Variants in THADA observed in about 807,000 individuals in gnomAD.
THADA encodes the protein THADA armadillo repeat containing.
A neutral mutation model predicts 219.8 loss-of-function variants in THADA; 213 were observed. The ratio of observed to expected loss-of-function variants is 0.97; its 90% CI spans 0.87 to 1.09. The LOEUF is 1.09. THADA is among the 50% of genes least tolerant of loss of function. The probability of loss-of-function intolerance (pLI) is 0.00; values close to 1 mark genes in which losing one functional copy is unlikely to be tolerated. For synonymous variants in THADA, 1,018 were observed against 828.9 expected (o/e 1.23, Z -3.92); for missense variants, 2,956 against 2,311.3 (o/e 1.28, Z -5.72).
intron 36 of THADA, among the ~76,000 whole-genome samples, chr2:43,273,819 G>C (rs1672410748): frequency 6.6e-6 from 1 of 152,134 alleles, no homozygotes; most frequent in Non-Finnish European, 1.5e-5. Flanking sequence ...TTTGCTCAAG[G>C]GTCGGGGCAT....
intron 10 of THADA, among the ~76,000 whole-genome samples, chr2:43,576,394 G>C (rs750031656): frequency 3.3e-5 from 5 of 152,116 alleles, no homozygotes; most frequent in Admixed American, 6.5e-5. Flanking sequence ...TAAGATTGCT[G>C]TTTCAGGTTC....
chr2:43,461,875 G>C (rs372429318), intron 26 of THADA, among the ~76,000 whole-genome samples: 1 of 152,172 alleles, frequency 6.6e-6, no homozygotes, highest in Non-Finnish European at 1.5e-5. Context: ...ACATCCCTTA[G>C]AGGTTTCTGC....
chr2:43,499,053 C>G, intron 24 of THADA, 98 bp from the exon 25 acceptor site: 1 of 1,276,616 alleles, frequency 7.8e-7, no homozygotes, highest in South Asian at 1.8e-5. Context: ...AAAAAATTTA[C>G]TGAATTACAA....
At chr2:43,573,405 T>C (rs1393017848) in intron 11 of THADA, among the ~76,000 whole-genome samples, 2 of 152,142 alleles carry the variant, frequency 1.3e-5, no homozygotes, top group African/African-American at 2.4e-5. Flanking sequence ...TGTTTCTCAC[T>C]AGTAAAGATT....
intron 36 of THADA, among the ~76,000 whole-genome samples, chr2:43,270,202 A>G (rs1671967428): frequency 6.6e-6 from 1 of 152,068 alleles, no homozygotes; most frequent in South Asian, 2.1e-4. Context: ...TTTTCTACTC[A>G]TTATGTGACA....
chr2:43,567,461 T>C (rs754660232), intron 14 of THADA, among the ~76,000 whole-genome samples: 8 of 152,020 alleles, frequency 5.3e-5, no homozygotes, highest in Admixed American at 3.3e-4. Flanking sequence ...ACCCTGTCTC[T>C]ACTAAAAATA....
chr2:43,272,318 G>A (rs533117293), intron 36 of THADA, among the ~76,000 whole-genome samples: 259 of 152,328 alleles, frequency 1.7e-3, no homozygotes, highest in African/African-American at 5.9e-3. Context: ...CTGAGCAGAA[G>A]AGCAGTATCA....
At chr2:43,314,595 A>G (rs1677866631) in intron 31 of THADA, among the ~76,000 whole-genome samples, 1 of 152,212 alleles carries the variant, frequency 6.6e-6, no homozygotes, top group African/African-American at 2.4e-5. Flanking sequence ...CCAACCTGAG[A>G]GCAAATAATT....
intron 29 of THADA, among the ~76,000 whole-genome samples, chr2:43,386,384 T>C (rs937021749): frequency 2.0e-5 from 3 of 152,086 alleles, no homozygotes; most frequent in Non-Finnish European, 4.4e-5. Flanking sequence ...ATATAATAGA[T>C]GTAGTTTTCC....
intron 31 of THADA, among the ~76,000 whole-genome samples, chr2:43,293,545 T>C (rs1675000302): frequency 6.6e-6 from 1 of 152,124 alleles, no homozygotes; most frequent in Non-Finnish European, 1.5e-5. Context: ...GAAGAGGACA[T>C]CTAGTATAAA....
intron 36 of THADA, among the ~76,000 whole-genome samples, chr2:43,248,158 T>TAGAGAGAGAGAGAG (rs1558464105): frequency 6.1e-5 from 4 of 65,190 alleles, no homozygotes; most frequent in African/African-American, 8.4e-5. Flanking sequence ...TATATATATA[T>TAGAGAGAGAGAGAG]ATATATAGAG....
At chr2:43,341,681 G>A (rs76632663) in intron 30 of THADA, among the ~76,000 whole-genome samples, 1 of 152,170 alleles carries the variant, frequency 6.6e-6, no homozygotes, top group East Asian at 1.9e-4. Flanking sequence ...TAGAGTGTTA[G>A]GATACTTGGG....
Position 43,551,798 on chromosome 2 carries a change from T to G in THADA, c.2938A>C (p.Thr980Pro), listed in dbSNP as rs767053473. The change falls in exon 19 of 38, where the codon ACT becomes CCT. Residue 980 changes from threonine to proline, a missense_variant. Coordinates refer to ENST00000405975, the MANE Select transcript of THADA (RefSeq NM_022065.5). Reference sequence around the variant, plus strand: ...TTCTTCATTTGCTAACCTGAATCAGTGTCCATTGGGATGAGGCCTTCAGGG... The same window carrying G: ...TTCTTCATTTGCTAACCTGAATCAGGGTCCATTGGGATGAGGCCTTCAGGG... ...SSPEGLIPMD[T>P]DSESASRLQM... 1 of 1,612,648 alleles carries G rather than the reference T, an allele frequency of 6.2e-7. No individual in the cohort carries two copies. The highest frequency in any genetic ancestry group is 1.7e-5 in the Admixed American group (1 of 59,860).
intron 26 of THADA, among the ~76,000 whole-genome samples, chr2:43,441,476 A>G (rs770036430): frequency 6.6e-6 from 1 of 152,216 alleles, no homozygotes; most frequent in Non-Finnish European, 1.5e-5. Flanking sequence ...CAGACTCTCA[A>G]TAGGTAGAGG....
At chr2:43,314,197 C>T (rs1677821062) in intron 31 of THADA, among the ~76,000 whole-genome samples, 1 of 152,110 alleles carries the variant, frequency 6.6e-6, no homozygotes, top group Non-Finnish European at 1.5e-5. Flanking sequence ...ATGGACAAAT[C>T]CTTATCAGCC....
intron 15 of THADA, among the ~76,000 whole-genome samples, chr2:43,561,651 T>C (rs1243156742): frequency 1.3e-5 from 2 of 152,240 alleles, no homozygotes; most frequent in Non-Finnish European, 2.9e-5. Context: ...CCCTATGAAA[T>C]TCCTAGAGCC....
chr2:43,286,871 A>C (rs374242111), intron 35 of THADA, 37 bp downstream of exon 35: 9 of 1,583,518 alleles, frequency 5.7e-6, no homozygotes, highest in Non-Finnish European at 7.8e-6. Context: ...ATTTTAAGTG[A>C]GTTTGGTACA....
chr2:43,310,761 C>T (rs1319326290), intron 31 of THADA, among the ~76,000 whole-genome samples: 1 of 152,108 alleles, frequency 6.6e-6, no homozygotes, highest in Non-Finnish European at 1.5e-5. Context: ...TTTTGTCCAT[C>T]AAAGGATATT....
intron 36 of THADA, among the ~76,000 whole-genome samples, chr2:43,239,730 A>G (rs1228372201): frequency 6.6e-6 from 1 of 152,234 alleles, no homozygotes. Flanking sequence ...GCAAATGGCA[A>G]TGGGTTGAAT....
Sources: allele counts gnomAD v4.1 joint callset (sites outside exome capture counted in the v4.1 genomes callset), GRCh38; gene constraint gnomAD v4.1.1; transcripts MANE v1.5; gene names NCBI Gene and HGNC (gene_info 2026-07-23, HGNC 2026-07-21).